Variants in ALOX5 observed in about 807,000 individuals in gnomAD.
The protein encoded by ALOX5 is arachidonate 5-lipoxygenase.
Under a neutral mutation model 87.9 loss-of-function variants are expected in ALOX5, and 64 were observed. The observed-to-expected ratio is 0.73, with a 90% CI of 0.60 to 0.90. The LOEUF (loss-of-function observed/expected upper bound fraction) is 0.90. Among genes scored for constraint, ALOX5 ranks in the 40% least tolerant of loss-of-function variants. The pLI, the probability that ALOX5 is intolerant of heterozygous loss-of-function variation, is 0.00. For missense variants in ALOX5, 822 were observed against 907.5 expected, an observed-to-expected ratio of 0.91 and a Z score of 1.21; for synonymous variants, 388 against 355.1, an observed-to-expected ratio of 1.09 and a Z score of -1.04.
chr10:45,418,245 C>T (rs1439600805), intron 4 of ALOX5, among the ~76,000 whole-genome samples: 1 of 152,036 alleles, frequency 6.6e-6, no homozygotes, highest in Admixed American at 6.5e-5. Flanking sequence ...CTTAGAGGAG[C>T]CTGTGTGGGG....
chr10:45,384,578 G>T (rs1348936152), intron 2 of ALOX5, among the ~76,000 whole-genome samples: 2 of 152,138 alleles, frequency 1.3e-5, no homozygotes, highest in Non-Finnish European at 2.9e-5. Flanking sequence ...ATTCTTTAAG[G>T]CTTCTCACAG....
intron 2 of ALOX5, among the ~76,000 whole-genome samples, chr10:45,390,877 C>A (rs966343121): frequency 6.6e-6 from 1 of 152,086 alleles, no homozygotes; most frequent in African/African-American, 2.4e-5. Context: ...CACAAAAATC[C>A]CTTCAAAAAA....
intron 9 of ALOX5, among the ~76,000 whole-genome samples, chr10:45,441,823 C>T (rs1842244877): frequency 6.6e-6 from 1 of 152,146 alleles, no homozygotes; most frequent in Admixed American, 6.5e-5. Context: ...CCCCAGCACT[C>T]TGCTTCCCGG....
rs1390510811 is a variant in ALOX5, at chr10:45,374,294, G to A, written c.15G>A (p.Thr5=). 2.6e-6 allele frequency: 4 copies of A among 1,513,280 alleles called. No homozygotes were observed. The highest frequency in any genetic ancestry group is 1.8e-6 in the Non-Finnish European group (2 of 1,131,382). 93.7% of individuals were successfully genotyped at this position (1,513,280 alleles called of 1,614,324 possible). The part of the protein sequence containing the change: MPSY[T]VTVATGSQWF... ...CGGCCCGCGCCATGCCCTCCTACAC[G>A]GTCACCGTGGCCACTGGCAGCCAGT... is the stretch of plus-strand genomic sequence containing the variant. Residue 5 remains threonine, a synonymous_variant, in exon 1 of 14, where the codon ACG becomes ACA. Transcript: ENST00000374391.
intron 2 of ALOX5, among the ~76,000 whole-genome samples, chr10:45,391,100 G>GTCTCCC (rs1840225658): frequency 2.4e-5 from 1 of 42,454 alleles, no homozygotes; most frequent in Admixed American, 2.7e-4. Flanking sequence ...TCTCCCCACG[G>GTCTCCC]TCTCCCTCTC....
intron 9 of ALOX5, among the ~76,000 whole-genome samples, chr10:45,442,207 T>C (rs1367512894): frequency 6.6e-6 from 1 of 152,092 alleles, no homozygotes; most frequent in Non-Finnish European, 1.5e-5. Context: ...CCTCTTTCTG[T>C]CTCTTTCACC....
At chr10:45,435,326 A>T (rs1842030380) in intron 7 of ALOX5, among the ~76,000 whole-genome samples, 1 of 151,558 alleles carries the variant, frequency 6.6e-6, no homozygotes, top group African/African-American at 2.4e-5. Flanking sequence ...TTACATGGTT[A>T]TATTGCATAA....
At chr10:45,397,818 A>G (rs1431967437) in intron 3 of ALOX5, among the ~76,000 whole-genome samples, 1 of 152,184 alleles carries the variant, frequency 6.6e-6, no homozygotes, top group Non-Finnish European at 1.5e-5. Flanking sequence ...AAACTACAAA[A>G]CATTGTTTAA....
intron 3 of ALOX5, among the ~76,000 whole-genome samples, chr10:45,408,002 C>T (rs959038016): frequency 2.6e-5 from 4 of 152,168 alleles, no homozygotes; most frequent in Non-Finnish European, 4.4e-5. Flanking sequence ...ATTTAATTTC[C>T]TTTCACAGAC....
intron 3 of ALOX5, among the ~76,000 whole-genome samples, chr10:45,402,884 A>G (rs900602078): frequency 2.0e-5 from 3 of 152,240 alleles, no homozygotes; most frequent in Non-Finnish European, 4.4e-5. Flanking sequence ...GCAAGTATAC[A>G]AAAGGTGTTC....
chr10:45,383,602 G>C (rs902185881), intron 2 of ALOX5, among the ~76,000 whole-genome samples: 1 of 152,208 alleles, frequency 6.6e-6, no homozygotes, highest in African/African-American at 2.4e-5. Context: ...TGTTCTTCAC[G>C]AAGTTTGGTG....
intron 6 of ALOX5, among the ~76,000 whole-genome samples, chr10:45,426,918 T>C (rs528186920): frequency 1.3e-4 from 20 of 152,250 alleles, no homozygotes; most frequent in Admixed American, 8.5e-4. Context: ...AGAAAGACCC[T>C]GTTTCCCAAT....
chr10:45,445,365 A>G (rs909480550), intron 13 of ALOX5, 143 bp from the exon 14 acceptor site: 12 of 1,007,572 alleles, frequency 1.2e-5, no homozygotes, highest in Admixed American at 2.7e-5. Context: ...CTTGTCAGGC[A>G]GCAGAGGGTG....
intron 3 of ALOX5, among the ~76,000 whole-genome samples, chr10:45,403,349 G>A (rs942282782): frequency 9.2e-5 from 14 of 152,194 alleles, no homozygotes; most frequent in African/African-American, 1.4e-4. Flanking sequence ...AGCCAGGAGC[G>A]TGTCTGGCCA....
chr10:45,386,396 T>C (rs1840009424), intron 2 of ALOX5, among the ~76,000 whole-genome samples: 1 of 151,802 alleles, frequency 6.6e-6, no homozygotes, highest in Admixed American at 6.6e-5. Context: ...AGTCCTGAAG[T>C]TCAAGGCTGC....
At chr10:45,422,512 G>T (rs773356202) in intron 4 of ALOX5, among the ~76,000 whole-genome samples, 1 of 152,208 alleles carries the variant, frequency 6.6e-6, no homozygotes, top group African/African-American at 2.4e-5. Context: ...ACCAGGTGAG[G>T]TCACCTCTTA....
rs1487666666 is a variant in ALOX5 at position 45,443,072 on chromosome 10, T to A, written c.1307T>A (p.Met436Lys). Residue 436 changes from methionine to lysine, a missense_variant, in exon 10 of 14, where the codon ATG becomes AAG. Transcript: ENST00000374391. ...ACAGGGGGCGGTGGGCACGTGCAGA[T>A]GGTGCAGAGGGCCATGAAGGACCTG... ...NATGGGGHVQMVQRAMKDLTY... is the reference protein window; with the variant it reads ...NATGGGGHVQKVQRAMKDLTY... 13 of 1,613,520 alleles carry A rather than the reference T, an allele frequency of 8.1e-6. No individual in the cohort carries two copies. The highest frequency in any genetic ancestry group is 1.1e-5 in the Non-Finnish European group (13 of 1,179,924).
At chr10:45,397,239 G>C (rs754054702) in intron 3 of ALOX5, among the ~76,000 whole-genome samples, 21 of 152,198 alleles carry the variant, frequency 1.4e-4, no homozygotes, top group Non-Finnish European at 7.3e-5. Flanking sequence ...AAGTAGCTGT[G>C]TGTGGTGGCA....
chr10:45,391,267 A>G (rs1224081351), intron 2 of ALOX5, among the ~76,000 whole-genome samples: 1 of 151,838 alleles, frequency 6.6e-6, no homozygotes, highest in Non-Finnish European at 1.5e-5. Flanking sequence ...TGTTTTTCAT[A>G]TTTTTTTGGT....
Sources: gnomAD v4.1 joint callset for allele counts (sites outside exome capture counted in the v4.1 genomes callset) on GRCh38, gnomAD v4.1.1 for gene constraint, MANE v1.5 for transcripts, NCBI Gene and HGNC (gene_info 2026-07-23, HGNC 2026-07-21) for gene names.